Variants in MLEC observed in about 807,000 individuals in gnomAD.
The protein encoded by MLEC is malectin.
Under a neutral mutation model 28.7 loss-of-function variants are expected in MLEC, and 7 were observed. The ratio of observed to expected loss-of-function variants is 0.24; its 90% CI spans 0.14 to 0.46. MLEC has a LOEUF of 0.46. Ranked by LOEUF, MLEC falls within the 20% of genes least tolerant of loss-of-function variation. The pLI is 0.99. For missense variants in MLEC, 237 were observed against 391.1 expected (o/e 0.61, Z 3.32); for synonymous variants, 142 against 164.4 (o/e 0.86, Z 1.04).
chr12:120,698,307 T>C lies in MLEC; in HGVS notation c.*1762T>C, dbSNP rs1882313878. 1.3e-5 allele frequency: 2 copies of C among 152,266 alleles called. No homozygotes were observed. Among genetic ancestry groups the C allele is most frequent in the Admixed American group, 6.5e-5 (1 of 15,282 alleles). The allele number at this position is 152,266 out of a possible 1,614,324, so 9.4% of individuals were successfully genotyped here. On this transcript the variant is annotated 3_prime_UTR_variant, in exon 5 of 5. Transcript: ENST00000228506. ...GCTCATGTCCTGGGTTTTGGCTCTT[T>C]AATGATTACTCCAGGCCAGCATTTA...
rs950991475 is a variant in MLEC at position 120,687,209 on chromosome 12, C to G, written c.-88C>G. The G allele has an allele frequency of 1.1e-5, 14 of 1,289,482 alleles. No homozygotes were observed. The highest frequency in any genetic ancestry group is 5.9e-6 in the Non-Finnish European group (6 of 1,017,978). 79.9% of individuals were successfully genotyped at this position (1,289,482 alleles called of 1,614,324 possible). A position where few individuals can be genotyped will look rare whatever the true frequency, so the allele number is the denominator to read the frequency against. On this transcript the variant is annotated 5_prime_UTR_variant, in exon 1 of 5. Transcript: ENST00000228506. The surrounding 1 kb of genome is among the most constrained non-coding windows in gnomAD (Gnocchi z 8.1). ...CCCCGGCGGCTCAGGCGGAGCGGCC[C>G]GTGGCGCTGTTTTTCTGAGTCCGGG...
chr12:120,687,549 G>A lies in MLEC; in HGVS notation c.235+18G>A, dbSNP rs141074486. 5,131 of 1,488,688 alleles carry A rather than the reference G, an allele frequency of 3.4e-3. 14 individuals carry two copies. Among genetic ancestry groups the A allele is most frequent in the Non-Finnish European group, 4.2e-3 (4,723 of 1,118,398 alleles). 92.2% of individuals were successfully genotyped at this position (1,488,688 alleles called of 1,614,324 possible). ...GGGCCGAGGTGAGAGTCCCCCTGCCGAGCCGCGGGATCCAGGGCCTGCTGT... is the reference window on the plus strand; with the variant it reads ...GGGCCGAGGTGAGAGTCCCCCTGCCAAGCCGCGGGATCCAGGGCCTGCTGT... On this transcript the variant is annotated intron_variant, in intron 1 of 4. Transcript: ENST00000228506. This position sits in a 1 kb window ranked among gnomAD's most constrained non-coding sequence, Gnocchi z 8.1.
chr12:120,693,538 A>T (rs1409029639), intron 1 of MLEC, among the ~76,000 whole-genome samples: 1 of 152,172 alleles, frequency 6.6e-6, no homozygotes. Flanking sequence ...TGAAAATTAT[A>T]AAAAAAACAC....
At position 120,699,892 on chromosome 12, in the gene MLEC, G is replaced by A. The variant is rs1242202206; in HGVS notation, c.*3347G>A. ...CCTTTCTGTGCCTGGGAACTGTTTG[G>A]TCCAGCTTTAGAACTGTGGTTTTGA... On this transcript the variant is annotated 3_prime_UTR_variant, in exon 5 of 5. Coordinates refer to ENST00000228506, the MANE Select transcript of MLEC (RefSeq NM_014730.4). The A allele has an allele frequency of 6.6e-6, 1 of 152,614 alleles. No homozygotes were observed. Among genetic ancestry groups the A allele is most frequent in the African/African-American group, 2.4e-5 (1 of 41,436 alleles). The allele number at this position is 152,614 out of a possible 1,614,324, so 9.5% of individuals were successfully genotyped here.
At chr12:120,692,789 A>G (rs987933126) in intron 1 of MLEC, among the ~76,000 whole-genome samples, 1 of 151,464 alleles carries the variant, frequency 6.6e-6, no homozygotes, top group African/African-American at 2.4e-5. Context: ...CATGACGGCT[A>G]CATCTGTAGT....
chr12:120,688,261 C>G (rs983165610), intron 1 of MLEC, among the ~76,000 whole-genome samples: 18 of 152,194 alleles, frequency 1.2e-4, no homozygotes, highest in African/African-American at 4.1e-4. Context: ...TGTGACTTAA[C>G]TTGCTGGGCA....
chr12:120,689,204 GGTGT>G (rs63092860), intron 1 of MLEC, among the ~76,000 whole-genome samples: 45 of 148,832 alleles, frequency 3.0e-4, no homozygotes, highest in East Asian at 7.9e-4. Flanking sequence ...TGATGCAGGT[GGTGT>G]GTGTGTGTGT....
intron 1 of MLEC, among the ~76,000 whole-genome samples, chr12:120,690,107 G>GAAGC (rs1463771802): frequency 6.6e-6 from 1 of 152,206 alleles, no homozygotes; most frequent in African/African-American, 2.4e-5. Context: ...AAGTGGTTTA[G>GAAGC]AAGCGTTCAC....
In MLEC at chr12:120,697,469, T is replaced by A. The variant is rs1161031113; in HGVS notation, c.*924T>A. On this transcript the variant is annotated 3_prime_UTR_variant, in exon 5 of 5. Coordinates refer to ENST00000228506, the MANE Select transcript of MLEC (RefSeq NM_014730.4). This position sits in a 1 kb window ranked among gnomAD's most constrained non-coding sequence, Gnocchi z 4.8. ...CCACCTCACCTTGTTGGTACCTCCC[T>A]CCCTGGATCTCTGAGCCAGCAGCCA... 6.6e-6 allele frequency: 1 copy of A among 152,632 alleles called. No homozygotes were observed. The highest frequency in any genetic ancestry group is 1.5e-5 in the Non-Finnish European group (1 of 68,058). 9.5% of individuals were successfully genotyped at this position (152,632 alleles called of 1,614,324 possible).
rs941042846 is a variant in MLEC at position 120,694,170 on chromosome 12, T to C, written c.315T>C (p.Asn105=). The change falls in exon 2 of 5, where the codon AAT becomes AAC. Residue 105 remains asparagine (N), a synonymous_variant. Coordinates refer to ENST00000228506, the MANE Select transcript of MLEC (RefSeq NM_014730.4). This position sits in a 1 kb window ranked among gnomAD's most constrained non-coding sequence, Gnocchi z 4.5. ...DQILYQTERY[N]EETFGYEVPI... Reference sequence around the variant, plus strand: ...TCCTGTATCAAACTGAGCGGTACAATGAGGAGACCTTTGGCTACGAAGTGC... The same window carrying C: ...TCCTGTATCAAACTGAGCGGTACAACGAGGAGACCTTTGGCTACGAAGTGC... The C allele has an allele frequency of 3.7e-6, 6 of 1,614,000 alleles. No homozygotes were observed. Among genetic ancestry groups the C allele is most frequent in the Non-Finnish European group, 5.1e-6 (6 of 1,180,028 alleles).
At chr12:120,689,631 A>G (rs987263886) in intron 1 of MLEC, among the ~76,000 whole-genome samples, 8 of 152,262 alleles carry the variant, frequency 5.3e-5, no homozygotes, top group South Asian at 4.1e-4. Flanking sequence ...GCTCTCTACT[A>G]AGGAGTCAGT....
rs1882411128 is a variant in MLEC, at chr12:120,700,632, T to A, written c.*4087T>A. ...TTCGATGGAAAGATATAATTAACGA[T>A]CAAAGAGCTCTAAGAAAATTGCAAA... On this transcript the variant is annotated 3_prime_UTR_variant, in exon 5 of 5. Coordinates refer to ENST00000228506, the MANE Select transcript of MLEC (RefSeq NM_014730.4). The surrounding 1 kb of genome is among the most constrained non-coding windows in gnomAD (Gnocchi z 4.0). The A allele has an allele frequency of 6.6e-6, 1 of 152,156 alleles. No homozygotes were observed. The highest frequency in any genetic ancestry group is 1.5e-5 in the Non-Finnish European group (1 of 68,034). The allele number at this position is 152,156 out of a possible 1,614,324, so 9.4% of individuals were successfully genotyped here.
intron 1 of MLEC, among the ~76,000 whole-genome samples, chr12:120,692,387 T>C (rs1882074423): frequency 6.6e-6 from 1 of 152,134 alleles, no homozygotes; most frequent in South Asian, 2.1e-4. Context: ...AGGGGGAGCA[T>C]GTTAGCAGTA....
intron 1 of MLEC, among the ~76,000 whole-genome samples, chr12:120,689,231 G>GTGTA: frequency 6.6e-6 from 1 of 152,142 alleles, no homozygotes; most frequent in African/African-American, 2.4e-5. Context: ...GTGTGTGTGT[G>GTGTA]TGTTTCTTTG....
intron 1 of MLEC, among the ~76,000 whole-genome samples, chr12:120,693,398 G>A (rs1882112647): frequency 6.6e-6 from 1 of 152,136 alleles, no homozygotes. Flanking sequence ...TTCTGCTGTT[G>A]GTTTATCTGA....
chr12:120,696,225 C>T lies in MLEC; in HGVS notation c.650-91C>T. On this transcript the variant is annotated intron_variant, in intron 4 of 4. Transcript: ENST00000228506. This position sits in a 1 kb window ranked among gnomAD's most constrained non-coding sequence, Gnocchi z 5.4. ...TCTCTGGACCCGGGTTCAATCACAGCAATCTCTTTATTGTGGCTTATTTGC... is the reference window on the plus strand; with the variant it reads ...TCTCTGGACCCGGGTTCAATCACAGTAATCTCTTTATTGTGGCTTATTTGC... 1 of 1,512,464 alleles carries T rather than the reference C, an allele frequency of 6.6e-7. No homozygotes were observed. Among genetic ancestry groups the T allele is most frequent in the South Asian group, 1.3e-5 (1 of 77,396 alleles). The allele number at this position is 1,512,464 out of a possible 1,614,324, so 93.7% of individuals were successfully genotyped here.
At position 120,687,343 on chromosome 12, in the gene MLEC, G is replaced by C. The variant is rs773161407; in HGVS notation, c.47G>C (p.Arg16Pro). The C allele has an allele frequency of 7.2e-7, 1 of 1,392,378 alleles. No homozygotes were observed. The highest frequency in any genetic ancestry group is 1.7e-5 in the South Asian group (1 of 57,856). 86.3% of individuals were successfully genotyped at this position (1,392,378 alleles called of 1,614,324 possible). A position where few individuals can be genotyped will look rare whatever the true frequency, so the allele number is the denominator to read the frequency against. Residue 16 changes from arginine (R) to proline (P), a missense_variant, in exon 1 of 5, where the codon CGA (arginine) becomes CCA (proline). By Grantham distance (103) the Arg-to-Pro change is moderately radical. Transcript: ENST00000228506. This position sits in a 1 kb window ranked among gnomAD's most constrained non-coding sequence, Gnocchi z 8.1. Reference sequence around the variant, plus strand: ...GAGGGAACCGCTGTGGCGCTCCTGCGACTGCTGCTGCTGCTGCTGCCGCCG... The same window carrying C: ...GAGGGAACCGCTGTGGCGCTCCTGCCACTGCTGCTGCTGCTGCTGCCGCCG... Reference protein sequence around the residue: ...AVEGTAVALLRLLLLLLPPAI... With the variant: ...AVEGTAVALLPLLLLLLPPAI...
Position 120,693,845 on chromosome 12 carries a change from C to T in MLEC, c.236-246C>T, listed in dbSNP as rs139859208. The T allele has an allele frequency of 2.6e-3, 928 of 350,932 alleles. 8 individuals are homozygous for T. The highest frequency in any genetic ancestry group is 0.018 in the African/African-American group (866 of 49,030). The allele number at this position is 350,932 out of a possible 1,614,324, so 21.7% of individuals were successfully genotyped here. A position where few individuals can be genotyped will look rare whatever the true frequency, so the allele number is the denominator to read the frequency against. ...TAATGTGCTTTTAGAAAGTTCCGCT[C>T]TGAGGTTTACAGGGGCTGTTGGCCT... On this transcript the variant is annotated intron_variant, in intron 1 of 4. Coordinates refer to ENST00000228506, the MANE Select transcript of MLEC (RefSeq NM_014730.4).
intron 1 of MLEC, among the ~76,000 whole-genome samples, chr12:120,688,647 G>A (rs1442147060): frequency 6.6e-6 from 1 of 152,210 alleles, no homozygotes; most frequent in East Asian, 1.9e-4. Context: ...CTTTTTCTGC[G>A]ATGCCCAGAT....
Sources: gnomAD v4.1 joint callset for allele counts (sites outside exome capture counted in the v4.1 genomes callset) on GRCh38, gnomAD v4.1.1 for gene constraint, Gnocchi (gnomAD v3.1) non-coding constraint, MANE v1.5 for transcripts, NCBI Gene and HGNC (gene_info 2026-07-23, HGNC 2026-07-21) for gene names.